The following SCD5 variants were observed in gnomAD, a reference collection of about 807,000 sequenced individuals.
The protein encoded by SCD5 is acyl-CoA-desaturase 4.
In SCD5, 20 loss-of-function variants were observed where a neutral mutation model predicts 30.4. That is an observed-to-expected ratio of 0.66 (90% CI 0.46 to 0.96). The LOEUF (loss-of-function observed/expected upper bound fraction) is 0.96, where lower values mean the gene tolerates loss of function less well. SCD5 is among the 40% of genes least tolerant of loss of function. The pLI is 0.00. For synonymous variants in SCD5, 173 were observed against 176.4 expected (o/e 0.98, Z 0.16); for missense variants, 381 against 443.3 (o/e 0.86, Z 1.26).
chr4:82,709,378 A>C (rs895673245), intron 1 of SCD5, among the ~76,000 whole-genome samples: 5 of 152,216 alleles, frequency 3.3e-5, no homozygotes, highest in Non-Finnish European at 5.9e-5. Context: ...TGAGCTCAGA[A>C]CTGGGAGTTT....
At chr4:82,669,640 C>T (rs560245340) in intron 3 of SCD5, among the ~76,000 whole-genome samples, 31 of 152,230 alleles carry the variant, frequency 2.0e-4, no homozygotes, top group African/African-American at 7.5e-4. Flanking sequence ...ATAGGGAGTC[C>T]CCCATGCTTT....
intron 2 of SCD5, among the ~76,000 whole-genome samples, chr4:82,691,219 TTTCATCA>T (rs1319954614): frequency 7.9e-5 from 12 of 151,916 alleles, no homozygotes; most frequent in African/African-American, 2.4e-4. Context: ...AGAGACGGGG[TTTCATCA>T]TGTTGGCCAG....
chr4:82,748,657 G>C (rs894321352), intron 1 of SCD5, among the ~76,000 whole-genome samples: 2 of 152,180 alleles, frequency 1.3e-5, no homozygotes, highest in Non-Finnish European at 2.9e-5. Context: ...CACTATGGAC[G>C]GTCCTAACCT....
At chr4:82,703,851 C>A (rs1719910882) in intron 2 of SCD5, among the ~76,000 whole-genome samples, 1 of 152,208 alleles carries the variant, frequency 6.6e-6, no homozygotes, top group Admixed American at 6.5e-5. Flanking sequence ...TCCTCAACGT[C>A]ATCTAAGACC....
chr4:82,777,891 C>T lies in SCD5; in HGVS notation c.232+20415G>A, dbSNP rs560330555. 4.1e-5 allele frequency among the ~76,000 whole-genome samples: 5 copies of T among 122,402 alleles called. No homozygotes were observed. In the South Asian group the frequency reaches 8.5e-4, roughly 21 times the overall value. The allele number at this position is 122,402 out of a possible 152,430, so 80.3% of individuals were successfully genotyped here. Reference sequence around the variant, plus strand: ...GCAACACTCCCCCTTTGAAAGCTGACGCTGCCCCCTTGAGACATTTCCCCC... The same window carrying T: ...GCAACACTCCCCCTTTGAAAGCTGATGCTGCCCCCTTGAGACATTTCCCCC... On this transcript the variant is annotated intron_variant, in intron 1 of 4. Coordinates refer to ENST00000319540, the MANE Select transcript of SCD5 (RefSeq NM_001037582.3).
intron 1 of SCD5, among the ~76,000 whole-genome samples, chr4:82,795,950 A>G (rs749392961): frequency 3.9e-4 from 54 of 140,220 alleles, no homozygotes; most frequent in Non-Finnish European, 7.2e-4. Flanking sequence ...TTTTTTTTTT[A>G]GGGAGGCAAT....
chr4:82,683,231 G>A (rs924721031), intron 2 of SCD5, among the ~76,000 whole-genome samples: 1 of 152,198 alleles, frequency 6.6e-6, no homozygotes, highest in African/African-American at 2.4e-5. Context: ...TTTAAACATG[G>A]TGGTTGGACA....
chr4:82,731,484 G>C (rs751098240), intron 1 of SCD5, among the ~76,000 whole-genome samples: 1 of 152,210 alleles, frequency 6.6e-6, no homozygotes, highest in Non-Finnish European at 1.5e-5. Flanking sequence ...CTTGGGCTGG[G>C]AGACCCCGGG....
chr4:82,732,832 A>G (rs949420409), intron 1 of SCD5, among the ~76,000 whole-genome samples: 1 of 152,192 alleles, frequency 6.6e-6, no homozygotes, highest in African/African-American at 2.4e-5. Context: ...TGGGGTGCTA[A>G]GAAAGGAAGA....
chr4:82,630,074 A>C lies in SCD5; in HGVS notation c.*1253T>G, dbSNP rs1727254410. On this transcript the variant is annotated 3_prime_UTR_variant, in exon 5 of 5. Coordinates refer to ENST00000319540, the MANE Select transcript of SCD5 (RefSeq NM_001037582.3). ...TTAGGTGCTTAAACATTTAAACGAG[A>C]GCTTAATTTGAGCTTAATTTGATGT... 6.6e-6 allele frequency: 1 copy of C among 152,210 alleles called. No individual in the cohort carries two copies. 9.4% of individuals were successfully genotyped at this position (152,210 alleles called of 1,614,324 possible).
intron 2 of SCD5, among the ~76,000 whole-genome samples, chr4:82,699,667 T>G (rs1205208740): frequency 6.6e-6 from 1 of 151,012 alleles, no homozygotes; most frequent in Admixed American, 6.6e-5. Flanking sequence ...TTTGTTATTT[T>G]ATTTTATTTT....
At chr4:82,714,064 A>G (rs983439743) in intron 1 of SCD5, among the ~76,000 whole-genome samples, 7 of 152,068 alleles carry the variant, frequency 4.6e-5, no homozygotes, top group Non-Finnish European at 8.8e-5. Context: ...CTACCCATAC[A>G]TTACTCAGAA....
At chr4:82,764,864 T>A (rs904009432) in intron 1 of SCD5, among the ~76,000 whole-genome samples, 2 of 151,966 alleles carry the variant, frequency 1.3e-5, no homozygotes, top group African/African-American at 4.8e-5. Flanking sequence ...GTAGCTGGAA[T>A]TACAGGCATG....
At chr4:82,634,396 T>G (rs1359103948) in intron 4 of SCD5, among the ~76,000 whole-genome samples, 1 of 152,184 alleles carries the variant, frequency 6.6e-6, no homozygotes, top group Non-Finnish European at 1.5e-5. Context: ...TTTAAAGGAT[T>G]TCGCTCTATA....
In SCD5 at chr4:82,631,359, G is replaced by A. The variant is rs1235175726; in HGVS notation, c.961C>T (p.Arg321Trp). 7 of 1,614,022 alleles carry A rather than the reference G, an allele frequency of 4.3e-6. No homozygotes were observed. Among genetic ancestry groups the A allele is most frequent in the Non-Finnish European group, 5.1e-6 (6 of 1,180,000 alleles). ...KRATKPMIEA[R>W]KARTGDSSA Reference sequence around the variant, plus strand: ...CTGCTGTCTCCAGTCCTGGCCTTCCGGGCCTCGATCATCGGCTTGGTTGCC... The same window carrying A: ...CTGCTGTCTCCAGTCCTGGCCTTCCAGGCCTCGATCATCGGCTTGGTTGCC... The change falls in exon 5 of 5, where the codon CGG (arginine) becomes TGG (tryptophan). Residue 321 changes from arginine to tryptophan, a missense_variant. By Grantham distance (101) the Arg-to-Trp change is moderately radical. Coordinates refer to ENST00000319540, the MANE Select transcript of SCD5 (RefSeq NM_001037582.3).
At chr4:82,699,258 G>A (rs894858719) in intron 2 of SCD5, among the ~76,000 whole-genome samples, 13 of 152,168 alleles carry the variant, frequency 8.5e-5, no homozygotes, top group African/African-American at 3.1e-4. Flanking sequence ...GAGTCCAGAT[G>A]CTTACATTTA....
At chr4:82,724,653 TTC>T (rs1305853318) in intron 1 of SCD5, among the ~76,000 whole-genome samples, 1 of 152,210 alleles carries the variant, frequency 6.6e-6, no homozygotes, top group Admixed American at 6.5e-5. Context: ...CCCTAATGCT[TTC>T]TGAGTCTGTT....
chr4:82,736,209 G>A (rs1720746746), intron 1 of SCD5, among the ~76,000 whole-genome samples: 1 of 151,076 alleles, frequency 6.6e-6, no homozygotes, highest in Non-Finnish European at 1.5e-5. Flanking sequence ...GATCACTTGA[G>A]CCCAGGAGGC....
rs141892624 is a variant in SCD5 at position 82,769,109 on chromosome 4, T to C, written c.232+29197A>G. 4.5e-3 allele frequency among the ~76,000 whole-genome samples: 678 copies of C among 152,266 alleles called. 5 individuals are homozygous for C. The highest frequency in any genetic ancestry group is 6.7e-3 in the Non-Finnish European group (455 of 68,000). On this transcript the variant is annotated intron_variant, in intron 1 of 4. Transcript: ENST00000319540. Reference sequence around the variant, plus strand: ...CCCACTCTGGCTCTTCGCAGGTCCCTAGGAGCCCCCATGGTCTCCCCTCAA... The same window carrying C: ...CCCACTCTGGCTCTTCGCAGGTCCCCAGGAGCCCCCATGGTCTCCCCTCAA...
Sources: gnomAD v4.1 joint callset for allele counts (sites outside exome capture counted in the v4.1 genomes callset) on GRCh38, gnomAD v4.1.1 for gene constraint, MANE v1.5 for transcripts, NCBI Gene and HGNC (gene_info 2026-07-23, HGNC 2026-07-21) for gene names.